The following ITFG1 variants were observed in gnomAD, a reference collection of about 807,000 sequenced individuals.
The protein encoded by ITFG1 is T-cell immunomodulatory protein.
Under a neutral mutation model 81.8 loss-of-function variants are expected in ITFG1, and 34 were observed. The observed-to-expected ratio is 0.42, with a 90% confidence interval of 0.32 to 0.55. The LOEUF (loss-of-function observed/expected upper bound fraction) is 0.55, where lower values mean the gene tolerates loss of function less well. Among genes scored for constraint, ITFG1 ranks in the 20% least tolerant of loss-of-function variants. The probability of loss-of-function intolerance (pLI) is 0.17; values close to 1 mark genes in which losing one functional copy is unlikely to be tolerated. For missense variants in ITFG1, 672 were observed against 755.4 expected, an observed-to-expected ratio of 0.89 and a Z score of 1.29; for synonymous variants, 285 against 270.6, an observed-to-expected ratio of 1.05 and a Z score of -0.52.
chr16:47,456,242 C>G (rs920166265), intron 2 of ITFG1, among the ~76,000 whole-genome samples: 4 of 151,954 alleles, frequency 2.6e-5, no homozygotes, highest in Admixed American at 6.6e-5. Context: ...CAAGGCACAT[C>G]ATCATGAAAT....
chr16:47,257,157 A>G (rs2151540945), intron 12 of ITFG1, among the ~76,000 whole-genome samples: 1 of 152,350 alleles, frequency 6.6e-6, no homozygotes. Flanking sequence ...TAGCCAGCAC[A>G]AGAAAAATAA....
In ITFG1 at chr16:47,155,691, C is replaced by T. The variant is rs568173793; in HGVS notation, c.*28G>A. 2.1e-5 allele frequency: 32 copies of T among 1,505,584 alleles called. No homozygotes were observed. In the East Asian group the frequency reaches 2.8e-4, roughly 13 times the overall value. The allele number at this position is 1,505,584 out of a possible 1,614,324, so 93.3% of individuals were successfully genotyped here. Reference sequence around the variant, plus strand: ...TGTTTCAACTAATCAAGTGAACAGCCATTCCATTATGTAATATTAAAGGCA... The same window carrying T: ...TGTTTCAACTAATCAAGTGAACAGCTATTCCATTATGTAATATTAAAGGCA... On this transcript the variant is annotated 3_prime_UTR_variant, in exon 18 of 18. Transcript: ENST00000320640.
intron 8 of ITFG1, among the ~76,000 whole-genome samples, chr16:47,337,524 C>T (rs1006967063): frequency 4.0e-5 from 6 of 151,874 alleles, no homozygotes; most frequent in African/African-American, 7.3e-5. Context: ...GAGCCAAGGT[C>T]GCGTCACTGC....
chr16:47,180,030 A>T (rs994357475), intron 14 of ITFG1, among the ~76,000 whole-genome samples: 1 of 152,212 alleles, frequency 6.6e-6, no homozygotes, highest in African/African-American at 2.4e-5. Context: ...TGGTAGACAG[A>T]AAGAAGTTTC....
chr16:47,194,139 TTTC>T (rs1424311741), intron 14 of ITFG1, among the ~76,000 whole-genome samples: 1 of 152,246 alleles, frequency 6.6e-6, no homozygotes, highest in African/African-American at 2.4e-5. Context: ...TACATCTGCA[TTTC>T]TTCTTACTCA....
At chr16:47,404,230 T>C (rs527462875) in intron 6 of ITFG1, among the ~76,000 whole-genome samples, 6 of 152,148 alleles carry the variant, frequency 3.9e-5, no homozygotes, top group Non-Finnish European at 8.8e-5. Flanking sequence ...GTGCACTTAT[T>C]ACTGGGAGCC....
chr16:47,318,713 T>C (rs1239364641), intron 8 of ITFG1, among the ~76,000 whole-genome samples: 2 of 152,146 alleles, frequency 1.3e-5, no homozygotes, highest in African/African-American at 4.8e-5. Context: ...ACCATAAATA[T>C]ATTACATGTA....
intron 2 of ITFG1, 94 bp downstream of exon 2, chr16:47,459,009 T>C: frequency 1.3e-6 from 1 of 797,282 alleles, no homozygotes; most frequent in South Asian, 1.6e-5. Context: ...ATCCCAACAC[T>C]AAGGCTGACT....
intron 14 of ITFG1, among the ~76,000 whole-genome samples, chr16:47,186,961 C>A (rs538307403): frequency 5.3e-5 from 8 of 152,098 alleles, no homozygotes; most frequent in Non-Finnish European, 1.0e-4. Context: ...TTCTTATACA[C>A]CAGTAACAGA....
intron 7 of ITFG1, among the ~76,000 whole-genome samples, chr16:47,374,785 A>G (rs1246002239): frequency 6.6e-6 from 1 of 152,210 alleles, no homozygotes; most frequent in Non-Finnish European, 1.5e-5. Flanking sequence ...AAAAAAAAGA[A>G]TCAAATTGCT....
At chr16:47,238,069 A>C (rs1015959682) in intron 12 of ITFG1, 61 bp from the exon 13 acceptor site, 3 of 915,518 alleles carry the variant, frequency 3.3e-6, no homozygotes, top group Non-Finnish European at 3.3e-6. Flanking sequence ...GTGAGCTCTA[A>C]TTTTCTCCCT....
intron 10 of ITFG1, among the ~76,000 whole-genome samples, chr16:47,279,383 T>G (rs1485066551): frequency 1.3e-5 from 2 of 152,170 alleles, no homozygotes; most frequent in Non-Finnish European, 2.9e-5. Flanking sequence ...CCATCTGTTA[T>G]AAAGACTATC....
At chr16:47,158,283 C>CG (rs1964746606) in intron 17 of ITFG1, among the ~76,000 whole-genome samples, 1 of 151,926 alleles carries the variant, frequency 6.6e-6, no homozygotes, top group South Asian at 2.1e-4. Flanking sequence ...TCTGTAGAGA[C>CG]GGGGTTTCAT....
At position 47,187,457 on chromosome 16, in the gene ITFG1, G is replaced by A. The variant is rs1023515758; in HGVS notation, c.1454-24793C>T. On this transcript the variant is annotated intron_variant, in intron 14 of 17. Coordinates refer to ENST00000320640, the MANE Select transcript of ITFG1 (RefSeq NM_030790.5). Reference sequence around the variant, plus strand: ...GAACAGAGCCCTCAGAAATAATGCCGCATATCTACAACTATCTCATCTTTG... The same window carrying A: ...GAACAGAGCCCTCAGAAATAATGCCACATATCTACAACTATCTCATCTTTG... Among the ~76,000 whole-genome samples, 72 of 152,042 alleles carry A rather than the reference G, an allele frequency of 4.7e-4. No homozygotes were observed. The Middle Eastern group carries it at 0.01, about 22-fold the overall frequency.
chr16:47,199,827 C>T (rs1313812463), intron 14 of ITFG1, among the ~76,000 whole-genome samples: 1 of 152,176 alleles, frequency 6.6e-6, no homozygotes, highest in Non-Finnish European at 1.5e-5. Flanking sequence ...TGTTTTCCTA[C>T]AACTAGGTGG....
chr16:47,450,502 T>A (rs1256757011), intron 5 of ITFG1: 3 of 345,882 alleles, frequency 8.7e-6, no homozygotes, highest in African/African-American at 2.2e-5. Context: ...CTCTTCAGAA[T>A]ACCTTAAAAA....
At chr16:47,178,267 C>T (rs1462779299) in intron 14 of ITFG1, among the ~76,000 whole-genome samples, 1 of 152,192 alleles carries the variant, frequency 6.6e-6, no homozygotes, top group Non-Finnish European at 1.5e-5. Context: ...CACCATTTTA[C>T]TTGGACTTTG....
intron 14 of ITFG1, among the ~76,000 whole-genome samples, chr16:47,198,921 T>C (rs930959357): frequency 1.3e-5 from 2 of 152,088 alleles, no homozygotes; most frequent in African/African-American, 4.8e-5. Flanking sequence ...GTTAACAAGG[T>C]AAAGAAGTTA....
At chr16:47,173,775 T>G (rs1964989455) in intron 14 of ITFG1, among the ~76,000 whole-genome samples, 1 of 152,234 alleles carries the variant, frequency 6.6e-6, no homozygotes, top group Non-Finnish European at 1.5e-5. Context: ...GCGCAGTGGC[T>G]CACGCCTATA....
Sources: gnomAD v4.1 joint callset for allele counts (sites outside exome capture counted in the v4.1 genomes callset) on GRCh38, gnomAD v4.1.1 for gene constraint, MANE v1.5 for transcripts, NCBI Gene and HGNC (gene_info 2026-07-23, HGNC 2026-07-21) for gene names.